SNX24: variants seen among roughly 807,000 people sequenced by gnomAD.
SNX24 encodes the protein sorting nexin-24.
A neutral mutation model predicts 28.7 loss-of-function variants in SNX24; 22 were observed. The ratio of observed to expected loss-of-function variants is 0.77; its 90% CI spans 0.55 to 1.10. The LOEUF (loss-of-function observed/expected upper bound fraction) is 1.10. SNX24 is among the 50% of genes least tolerant of loss of function. The probability of loss-of-function intolerance (pLI) is 0.00; values close to 1 mark genes in which losing one functional copy is unlikely to be tolerated. For synonymous variants in SNX24, 69 were observed against 71.5 expected, an observed-to-expected ratio of 0.96 and a Z score of 0.18; for missense variants, 221 against 201.1, an observed-to-expected ratio of 1.10 and a Z score of -0.60.
intron 2 of SNX24, among the ~76,000 whole-genome samples, chr5:122,944,645 G>A (rs1204785186): frequency 6.6e-6 from 1 of 152,156 alleles, no homozygotes; most frequent in East Asian, 1.9e-4. Flanking sequence ...CCAGGCTCTT[G>A]CTGCTTTACC....
At chr5:122,846,030 C>G (rs536016838) in intron 1 of SNX24, among the ~76,000 whole-genome samples, 1 of 152,332 alleles carries the variant, frequency 6.6e-6, no homozygotes, top group East Asian at 1.9e-4. Flanking sequence ...CAGCTGCCCC[C>G]TCAGTCCAGA....
At chr5:122,999,374 G>A (rs951713922) in intron 3 of SNX24, among the ~76,000 whole-genome samples, 1 of 151,976 alleles carries the variant, frequency 6.6e-6, no homozygotes, top group Non-Finnish European at 1.5e-5. Flanking sequence ...ACAGGTGATA[G>A]TTGAGGGTTC....
At chr5:122,867,805 A>C (rs1755787319) in intron 1 of SNX24, among the ~76,000 whole-genome samples, 1 of 152,210 alleles carries the variant, frequency 6.6e-6, no homozygotes, top group African/African-American at 2.4e-5. Context: ...TACTGTTTAG[A>C]GAGGTCTTCC....
chr5:122,882,106 A>G (rs1756506237), intron 1 of SNX24, among the ~76,000 whole-genome samples: 1 of 151,982 alleles, frequency 6.6e-6, no homozygotes, highest in South Asian at 2.1e-4. Flanking sequence ...GCTTGCCACC[A>G]TGCCCAACTA....
chr5:122,889,129 C>T (rs1035688536), intron 1 of SNX24, among the ~76,000 whole-genome samples: 6 of 152,070 alleles, frequency 3.9e-5, no homozygotes, highest in Non-Finnish European at 7.4e-5. Context: ...CTGGATAACA[C>T]GCATTGAGCT....
intron 1 of SNX24, among the ~76,000 whole-genome samples, chr5:122,861,866 A>C (rs979728050): frequency 6.6e-6 from 1 of 152,136 alleles, no homozygotes; most frequent in African/African-American, 2.4e-5. Context: ...ATAAACTGTA[A>C]GCTTCTCTCT....
intron 3 of SNX24, among the ~76,000 whole-genome samples, chr5:122,983,742 C>CT: frequency 6.6e-6 from 1 of 151,464 alleles, no homozygotes; most frequent in Middle Eastern, 3.4e-3. Context: ...TAGGTGGGGA[C>CT]TACAGGCGTG....
chr5:122,880,193 A>G (rs957203212), intron 1 of SNX24, among the ~76,000 whole-genome samples: 1 of 152,198 alleles, frequency 6.6e-6, no homozygotes, highest in African/African-American at 2.4e-5. Context: ...AGAATGGGAG[A>G]TATACTCTTT....
At chr5:122,859,318 A>G (rs1561514365) in intron 1 of SNX24, among the ~76,000 whole-genome samples, 2 of 152,052 alleles carry the variant, frequency 1.3e-5, no homozygotes, top group South Asian at 2.1e-4. Context: ...AACAAAATAA[A>G]TTTGTCTGGG....
intron 1 of SNX24, among the ~76,000 whole-genome samples, chr5:122,866,442 C>T (rs943368063): frequency 1.3e-5 from 2 of 152,210 alleles, no homozygotes; most frequent in Non-Finnish European, 2.9e-5. Context: ...AGCCACCACG[C>T]CCTGCCATAA....
Position 122,946,111 on chromosome 5 carries a change from C to G in SNX24, c.201C>G (p.Val67=), listed in dbSNP as rs780803650. Residue 67 remains valine, a synonymous_variant, in exon 3 of 7, where the codon GTC becomes GTG. Coordinates refer to ENST00000261369, the MANE Select transcript of SNX24 (RefSeq NM_014035.4). ...CTTCTAAACATGTTAGGAACTGGGT[C>G]CCCAAAGTCTTGGAACAGCGACGAC... ...EIPSKHVRNW[V]PKVLEQRRQG... 1 of 1,611,656 alleles carries G rather than the reference C, an allele frequency of 6.2e-7. No individual in the cohort carries two copies. Among genetic ancestry groups the G allele is most frequent in the Non-Finnish European group, 8.5e-7 (1 of 1,178,354 alleles).
At chr5:122,924,155 T>C (rs530719787) in intron 1 of SNX24, among the ~76,000 whole-genome samples, 4 of 152,368 alleles carry the variant, frequency 2.6e-5, no homozygotes, top group African/African-American at 9.6e-5. Context: ...AAACCTTATA[T>C]GTGCTATGTT....
intron 5 of SNX24, chr5:123,029,025 T>A: frequency 2.4e-6 from 2 of 826,480 alleles, no homozygotes; most frequent in South Asian, 3.8e-5. Flanking sequence ...AATTTATCAT[T>A]AGCTGACCAA....
chr5:122,996,622 T>C (rs1762061692), intron 3 of SNX24, among the ~76,000 whole-genome samples: 1 of 152,188 alleles, frequency 6.6e-6, no homozygotes. Flanking sequence ...CATCTATCCA[T>C]CGCTGATTGT....
intron 3 of SNX24, among the ~76,000 whole-genome samples, chr5:122,957,395 A>G (rs566203894): frequency 1.3e-5 from 2 of 152,210 alleles, no homozygotes; most frequent in Non-Finnish European, 2.9e-5. Flanking sequence ...ATATGCCAGT[A>G]CCACCTGTTT....
chr5:122,919,054 T>A (rs1335725189), intron 1 of SNX24, among the ~76,000 whole-genome samples: 1 of 152,260 alleles, frequency 6.6e-6, no homozygotes, highest in Non-Finnish European at 1.5e-5. Flanking sequence ...CTTTCTTGAA[T>A]CTGCCTTTAA....
At chr5:123,027,344 TC>T (rs1452398820) in intron 5 of SNX24, among the ~76,000 whole-genome samples, 5 of 151,952 alleles carry the variant, frequency 3.3e-5, no homozygotes, top group Admixed American at 1.3e-4. Context: ...TGTCCAAAAT[TC>T]AGAGAATTTT....
intron 1 of SNX24, among the ~76,000 whole-genome samples, chr5:122,891,788 C>T (rs973623492): frequency 6.6e-6 from 1 of 152,132 alleles, no homozygotes; most frequent in African/African-American, 2.4e-5. Context: ...ACTTTTTGGG[C>T]TGGCCAGGAA....
intron 5 of SNX24, among the ~76,000 whole-genome samples, chr5:123,019,362 C>T (rs933238665): frequency 2.0e-5 from 3 of 150,894 alleles, no homozygotes; most frequent in Non-Finnish European, 4.4e-5. Context: ...TTCTTCAGCT[C>T]TCTGGATTAT....
Sources: gnomAD v4.1 joint callset for allele counts (sites outside exome capture counted in the v4.1 genomes callset) on GRCh38, gnomAD v4.1.1 for gene constraint, MANE v1.5 for transcripts, NCBI Gene and HGNC (gene_info 2026-07-23, HGNC 2026-07-21) for gene names.